OR2T4: variants seen among roughly 807,000 people sequenced by gnomAD.
The protein encoded by OR2T4 is olfactory receptor family 2 subfamily T member 4, also known as olfactory receptor 2T4.
For missense variants in OR2T4, 374 were observed against 395.6 expected, an observed-to-expected ratio of 0.95 and a Z score of 0.46; for synonymous variants, 149 against 145.6, an observed-to-expected ratio of 1.02 and a Z score of -0.17.
rs758053841 is a variant in OR2T4 at position 248,362,196 on chromosome 1, A to G, written c.532A>G (p.Ile178Val). 1 of 1,614,062 alleles carries G rather than the reference A, an allele frequency of 6.2e-7. No individual in the cohort carries two copies. ...MTFPFRGSRE[I>V]HHFFCEVPAV... Reference sequence around the variant, plus strand: ...CTTCCCCTTCCGTGGATCCCGGGAGATTCATCATTTCTTCTGTGAAGTTCC... The same window carrying G: ...CTTCCCCTTCCGTGGATCCCGGGAGGTTCATCATTTCTTCTGTGAAGTTCC... The change falls in exon 1 of 1, where the codon ATT (isoleucine) becomes GTT (valine). Residue 178 changes from isoleucine to valine, a missense_variant. Ile to Val is a conservative substitution (Grantham distance 29). Transcript: ENST00000366473.
rs749043867 is a variant in OR2T4, at chr1:248,362,611, A to C, written c.947A>C (p.Gln316Pro). The C allele has an allele frequency of 1.2e-6, 2 of 1,614,118 alleles. No individual in the cohort carries two copies. The highest frequency in any genetic ancestry group is 1.7e-6 in the Non-Finnish European group (2 of 1,179,958). The change falls in exon 1 of 1, where the codon CAA (glutamine) becomes CCA (proline). Residue 316 changes from glutamine (Q) to proline (P), a missense_variant. Coordinates refer to ENST00000366473, the MANE Select transcript of OR2T4 (RefSeq NM_001004696.2). ...ATGTTAACAGTGGAACCTGCCTTTC[A>C]AAAAGCTATGGAGTAGACCATTTTG... ...KKMLTVEPAF[Q>P]KAME
Position 248,361,758 on chromosome 1 carries a change from T to A in OR2T4, c.94T>A (p.Cys32Ser), listed in dbSNP as rs28491677. ...FRQSKHPALL[C>S]VVIFVVFLMA... ...ACAATCCAAACATCCAGCACTACTT[T>A]GTGTGGTCATTTTTGTGGTTTTCCT... Residue 32 changes from cysteine (C) to serine (S), a missense_variant, in exon 1 of 1, where the codon TGT becomes AGT. Cys to Ser is a moderately radical substitution (Grantham distance 112, BLOSUM62 -1). Coordinates refer to ENST00000366473, the MANE Select transcript of OR2T4 (RefSeq NM_001004696.2). 195,369 of 1,414,256 alleles carry A rather than the reference T, an allele frequency of 0.14. 30,687 individuals carry two copies. The highest frequency in any genetic ancestry group is 0.39 in the East Asian group (16,099 of 41,170). The allele number at this position is 1,414,256 out of a possible 1,614,324, so 87.6% of individuals were successfully genotyped here.
Position 248,361,694 on chromosome 1 carries a change from C to T in OR2T4, c.30C>T (p.His10=). 2 of 1,251,658 alleles carry T rather than the reference C, an allele frequency of 1.6e-6. No homozygotes were observed. Among genetic ancestry groups the T allele is most frequent in the Non-Finnish European group, 2.1e-6 (2 of 950,268 alleles). The allele number at this position is 1,251,658 out of a possible 1,614,324, so 77.5% of individuals were successfully genotyped here. ...CCAATATCACCTGGATGGCCAACCA[C>T]ACTGGATGGTCGGATTTCATCCTGT... MANITWMAN[H]TGWSDFILLG... is the part of the protein sequence containing the mutation. The change falls in exon 1 of 1, where the codon CAC becomes CAT. Residue 10 remains histidine, a synonymous_variant. Transcript: ENST00000366473.
rs1660690547 is a variant in OR2T4 at position 248,361,723 on chromosome 1, G to A, written c.59G>A (p.Gly20Glu). ...HTGWSDFILL[G>E]LFRQSKHPAL... is the part of the protein sequence containing the mutation. ...GGATGGTCGGATTTCATCCTGTTGG[G>A]ACTCTTCAGACAATCCAAACATCCA... is the stretch of plus-strand genomic sequence containing the variant. Residue 20 changes from glycine (G) to glutamate (E), a missense_variant, in exon 1 of 1, where the codon GGA becomes GAA. Coordinates refer to ENST00000366473, the MANE Select transcript of OR2T4 (RefSeq NM_001004696.2). 2 of 1,571,580 alleles carry A rather than the reference G, an allele frequency of 1.3e-6. No homozygotes were observed. The highest frequency in any genetic ancestry group is 1.8e-5 in the Admixed American group (1 of 56,674).
Position 248,361,989 on chromosome 1 carries a change from G to A in OR2T4, c.325G>A (p.Val109Met), listed in dbSNP as rs28540568. 10 of 1,597,798 alleles carry A rather than the reference G, an allele frequency of 6.3e-6. No individual in the cohort carries two copies. The highest frequency in any genetic ancestry group is 4.7e-5 in the African/African-American group (3 of 63,440). The change falls in exon 1 of 1, where the codon GTG becomes ATG. Residue 109 changes from valine to methionine, a missense_variant. By Grantham distance (21) the Val-to-Met change is conservative. Transcript: ENST00000366473. ...GTGTGGGATGCAGATGTTCTTCTAC[G>A]TGACACTAGCAGGTTCAGAATTTTT... ...PECGMQMFFY[V>M]TLAGSEFFLL...
In OR2T4 at chr1:248,361,719, T is replaced by A. The variant is rs45438195; in HGVS notation, c.55T>A (p.Leu19Met). The change falls in exon 1 of 1, where the codon TTG becomes ATG. Residue 19 changes from leucine (L) to methionine (M), a missense_variant. Leu to Met is a conservative substitution (Grantham distance 15). Transcript: ENST00000366473. ...CACTGGATGGTCGGATTTCATCCTG[T>A]TGGGACTCTTCAGACAATCCAAACA... ...NHTGWSDFIL[L>M]GLFRQSKHPA... is the part of the protein sequence containing the mutation. 5.0e-5 allele frequency: 60 copies of A among 1,194,400 alleles called. 3 individuals carry two copies. The Middle Eastern group carries it at 2.0e-3, about 39-fold the overall frequency. 74.0% of individuals were successfully genotyped at this position (1,194,400 alleles called of 1,614,324 possible).
rs140365536 is a variant in OR2T4, at chr1:248,362,285, T to C, written c.621T>C (p.Cys207=). The C allele has an allele frequency of 1.6e-4, 261 of 1,614,202 alleles. 1 individual carries two copies. In the African/African-American group the frequency reaches 3.3e-3, roughly 20 times the overall value. The change falls in exon 1 of 1, where the codon TGT becomes TGC. Residue 207 remains cysteine (C), a synonymous_variant. Coordinates refer to ENST00000366473, the MANE Select transcript of OR2T4 (RefSeq NM_001004696.2). ...ATGAGATTTTCATGTACTTGTGCTG[T>C]GTCCTCATGCTCCTCATCCCTGTGG... The part of the protein sequence containing the change: ...SLYEIFMYLC[C]VLMLLIPVVI...
rs767904227 is a variant in OR2T4 at position 248,362,336 on chromosome 1, C to CTCCT, written c.672_673insTCCT (p.Ile225SerfsTer50). 56 of 1,613,780 alleles carry CTCCT rather than the reference C, an allele frequency of 3.5e-5. No homozygotes were observed. The highest frequency in any genetic ancestry group is 4.6e-5 in the Non-Finnish European group (54 of 1,179,900). ...TGATCATTTCAAGCTCCTATTTACT[C>CTCCT]ATCCTCCTCACCATCCACGGGATGA... On this transcript the variant is annotated frameshift_variant, in exon 1 of 1. Transcript: ENST00000366473. LOFTEE classifies it low-confidence loss of function (END_TRUNC).
In OR2T4 at chr1:248,361,969, G is replaced by A. The variant is rs774696415; in HGVS notation, c.305G>A (p.Gly102Glu). The A allele has an allele frequency of 1.9e-6, 3 of 1,613,316 alleles. No homozygotes were observed. The highest frequency in any genetic ancestry group is 4.5e-5 in the East Asian group (2 of 44,848). The change falls in exon 1 of 1, where the codon GGG (glycine) becomes GAG (glutamate). Residue 102 changes from glycine (G) to glutamate (E), a missense_variant. Physicochemically the swap from Gly to Glu is moderately conservative, Grantham distance 98 (BLOSUM62 -2). Transcript: ENST00000366473. Reference protein sequence around the residue: ...GVNKISAPECGMQMFFYVTLA... With the variant: ...GVNKISAPECEMQMFFYVTLA... ...AATAAGATCTCAGCCCCTGAGTGTG[G>A]GATGCAGATGTTCTTCTACGTGACA...
Position 248,362,119 on chromosome 1 carries a change from GCTGGTTC to G in OR2T4, c.460_466del (p.Phe154AlafsTer13), listed in dbSNP as rs1432029283. 1.9e-6 allele frequency: 3 copies of G among 1,614,026 alleles called. No individual in the cohort carries two copies. Among genetic ancestry groups the G allele is most frequent in the African/African-American group, 1.3e-5 (1 of 74,896 alleles). The stretch of plus-strand genomic sequence containing the variant: ...GTGTGTCTCTTCCTGTCATCAGGCT[GCTGGTTC>G]CTGGGCTCAGTGGATGGCTTCACAT... On this transcript the variant is annotated frameshift_variant, in exon 1 of 1. Transcript: ENST00000366473. LOFTEE classifies it low-confidence loss of function (END_TRUNC).
At position 248,362,122 on chromosome 1, in the gene OR2T4, G is replaced by T; in HGVS notation, c.458G>T (p.Trp153Leu). The T allele has an allele frequency of 1.2e-6, 2 of 1,614,154 alleles. No homozygotes were observed. The highest frequency in any genetic ancestry group is 2.7e-5 in the African/African-American group (2 of 75,028). The change falls in exon 1 of 1, where the codon TGG becomes TTG. Residue 153 changes from tryptophan to leucine, a missense_variant. By Grantham distance (61) the Trp-to-Leu change is moderately conservative. Transcript: ENST00000366473. ...RVCLFLSSGC[W>L]FLGSVDGFTF... ...TGTCTCTTCCTGTCATCAGGCTGCTGGTTCCTGGGCTCAGTGGATGGCTTC... is the reference window on the plus strand; with the variant it reads ...TGTCTCTTCCTGTCATCAGGCTGCTTGTTCCTGGGCTCAGTGGATGGCTTC...
rs368488217 is a variant in OR2T4 at position 248,362,601 on chromosome 1, C to A, written c.937C>A (p.Pro313Thr). Residue 313 changes from proline to threonine, a missense_variant, in exon 1 of 1, where the codon CCT becomes ACT. Pro to Thr is a conservative substitution (Grantham distance 38). Transcript: ENST00000366473. ...TCTGAAGAAAATGTTAACAGTGGAA[C>A]CTGCCTTTCAAAAAGCTATGGAGTA... ...GALKKMLTVE[P>T]AFQKAME 6.3e-4 allele frequency: 1,015 copies of A among 1,614,060 alleles called. 13 individuals are homozygous for A. In the South Asian group the frequency reaches 9.1e-3, roughly 14 times the overall value.
Position 248,361,723 on chromosome 1 carries a change from G to T in OR2T4, c.59G>T (p.Gly20Val). The change falls in exon 1 of 1, where the codon GGA becomes GTA. Residue 20 changes from glycine (G) to valine (V), a missense_variant. Physicochemically the swap from Gly to Val is moderately radical, Grantham distance 109. Coordinates refer to ENST00000366473, the MANE Select transcript of OR2T4 (RefSeq NM_001004696.2). ...HTGWSDFILL[G>V]LFRQSKHPAL... Reference sequence around the variant, plus strand: ...GGATGGTCGGATTTCATCCTGTTGGGACTCTTCAGACAATCCAAACATCCA... The same window carrying T: ...GGATGGTCGGATTTCATCCTGTTGGTACTCTTCAGACAATCCAAACATCCA... 1.9e-6 allele frequency: 3 copies of T among 1,571,698 alleles called. No individual in the cohort carries two copies. Among genetic ancestry groups the T allele is most frequent in the Non-Finnish European group, 2.6e-6 (3 of 1,155,134 alleles).
Position 248,362,490 on chromosome 1 carries a change from A to G in OR2T4, c.826A>G (p.Met276Val), listed in dbSNP as rs761147698. 6 of 1,614,054 alleles carry G rather than the reference A, an allele frequency of 3.7e-6. No individual in the cohort carries two copies. The highest frequency in any genetic ancestry group is 3.3e-5 in the Admixed American group (2 of 59,998). Residue 276 changes from methionine (M) to valine (V), a missense_variant, in exon 1 of 1, where the codon ATG (methionine) becomes GTG (valine). Met to Val is a conservative substitution (Grantham distance 21, BLOSUM62 1). Coordinates refer to ENST00000366473, the MANE Select transcript of OR2T4 (RefSeq NM_001004696.2). ...CTCCTACCACACCCCTGAGAAGGAC[A>G]TGATGGTATCTGTCTTCTATACCAT... The part of the protein sequence containing the change: ...PSSYHTPEKD[M>V]MVSVFYTILT...
In OR2T4 at chr1:248,362,337, A is replaced by T. The variant is rs76878172; in HGVS notation, c.673A>T (p.Ile225Phe). 1 of 402,058 alleles carries T rather than the reference A, an allele frequency of 2.5e-6. No individual in the cohort carries two copies. The highest frequency in any genetic ancestry group is 3.9e-6 in the Non-Finnish European group (1 of 258,044). The allele number at this position is 402,058 out of a possible 1,614,324, so 24.9% of individuals were successfully genotyped here. A position where few individuals can be genotyped will look rare whatever the true frequency, so the allele number is the denominator to read the frequency against. Residue 225 changes from isoleucine (I) to phenylalanine (F), a missense_variant, in exon 1 of 1, where the codon ATC becomes TTC. Transcript: ENST00000366473. Reference sequence around the variant, plus strand: ...GATCATTTCAAGCTCCTATTTACTCATCCTCCTCACCATCCACGGGATGAA... The same window carrying T: ...GATCATTTCAAGCTCCTATTTACTCTTCCTCCTCACCATCCACGGGATGAA... ...VVIISSSYLL[I>F]LLTIHGMNSA...
At position 248,361,746 on chromosome 1, in the gene OR2T4, C is replaced by G; in HGVS notation, c.82C>G (p.Pro28Ala). The change falls in exon 1 of 1, where the codon CCA becomes GCA. Residue 28 changes from proline (P) to alanine (A), a missense_variant. Pro to Ala is a conservative substitution (Grantham distance 27). Coordinates refer to ENST00000366473, the MANE Select transcript of OR2T4 (RefSeq NM_001004696.2). ...LLGLFRQSKH[P>A]ALLCVVIFVV... ...GGGACTCTTCAGACAATCCAAACAT[C>G]CAGCACTACTTTGTGTGGTCATTTT... The G allele has an allele frequency of 3.7e-6, 6 of 1,603,012 alleles. No individual in the cohort carries two copies. The highest frequency in any genetic ancestry group is 4.3e-6 in the Non-Finnish European group (5 of 1,172,470).
In OR2T4 at chr1:248,361,913, C is replaced by G. The variant is rs752708412; in HGVS notation, c.249C>G (p.Pro83=). The G allele has an allele frequency of 4.3e-6, 7 of 1,614,104 alleles. No individual in the cohort carries two copies. Among genetic ancestry groups the G allele is most frequent in the African/African-American group, 1.3e-5 (1 of 75,022 alleles). ...TGGCGTACATTTCTGTCACTGTGCCCAAGATGCTCCTGGACCAGGTCATGG... is the reference window on the plus strand; with the variant it reads ...TGGCGTACATTTCTGTCACTGTGCCGAAGATGCTCCTGGACCAGGTCATGG... ...MDMAYISVTV[P]KMLLDQVMGV... The change falls in exon 1 of 1, where the codon CCC becomes CCG. Residue 83 remains proline, a synonymous_variant. Coordinates refer to ENST00000366473, the MANE Select transcript of OR2T4 (RefSeq NM_001004696.2).
rs1479011651 is a variant in OR2T4 at position 248,361,725 on chromosome 1, C to A, written c.61C>A (p.Leu21Ile). The A allele has an allele frequency of 6.4e-7, 1 of 1,574,488 alleles. No homozygotes were observed. Among genetic ancestry groups the A allele is most frequent in the Non-Finnish European group, 8.6e-7 (1 of 1,156,432 alleles). ...TGWSDFILLG[L>I]FRQSKHPALL... Reference sequence around the variant, plus strand: ...ATGGTCGGATTTCATCCTGTTGGGACTCTTCAGACAATCCAAACATCCAGC... The same window carrying A: ...ATGGTCGGATTTCATCCTGTTGGGAATCTTCAGACAATCCAAACATCCAGC... The change falls in exon 1 of 1, where the codon CTC (leucine) becomes ATC (isoleucine). Residue 21 changes from leucine (L) to isoleucine (I), a missense_variant. Coordinates refer to ENST00000366473, the MANE Select transcript of OR2T4 (RefSeq NM_001004696.2).
rs141849195 is a variant in OR2T4, at chr1:248,362,046, G to A, written c.382G>A (p.Val128Met). 1.1e-3 allele frequency: 1,806 copies of A among 1,614,008 alleles called. 8 individuals are homozygous for A. The highest frequency in any genetic ancestry group is 8.3e-4 in the Non-Finnish European group (982 of 1,179,996). ...AGCCACCATGGCCTATGACCGCTAC[G>A]TGGCCATCTGCCATCCTCTCCGTTA... The part of the protein sequence containing the change: ...LLATMAYDRY[V>M]AICHPLRYPV... The change falls in exon 1 of 1, where the codon GTG (valine) becomes ATG (methionine). Residue 128 changes from valine to methionine, a missense_variant. Coordinates refer to ENST00000366473, the MANE Select transcript of OR2T4 (RefSeq NM_001004696.2).
Sources: gnomAD v4.1 joint callset for allele counts on GRCh38, gnomAD v4.1.1 for gene constraint, MANE v1.5 for transcripts, NCBI Gene and HGNC (gene_info 2026-07-23, HGNC 2026-07-21) for gene names.